The following NEO1 variants were observed in gnomAD, a reference collection of about 807,000 sequenced individuals.
The protein encoded by NEO1 is neogenin 1, also known as neogenin.
NEO1 carries 63 observed loss-of-function variants against 159.7 expected under a neutral mutation model. That is an observed-to-expected ratio of 0.39 (90% CI 0.32 to 0.49). The LOEUF is 0.49. Among genes scored for constraint, NEO1 ranks in the 20% least tolerant of loss-of-function variants. NEO1 has a pLI of 0.85. For synonymous variants in NEO1, 633 were observed against 662.0 expected (o/e 0.96, Z 0.67); for missense variants, 1,615 against 1,831.0 (o/e 0.88, Z 2.15).
At chr15:73,293,352 GC>G in intron 25 of NEO1, 37 bp from the exon 26 acceptor site, 1 of 1,609,716 alleles carries the variant, frequency 6.2e-7, no homozygotes, top group Non-Finnish European at 8.5e-7. Context: ...GTTTGTGCAA[GC>G]ATGTTAAGCA....
At chr15:73,064,715 C>T (rs1289677050) in intron 1 of NEO1, among the ~76,000 whole-genome samples, 1 of 152,146 alleles carries the variant, frequency 6.6e-6, no homozygotes, top group Non-Finnish European at 1.5e-5. Flanking sequence ...AATTCTCCTG[C>T]CTTGGCCCCC....
intron 4 of NEO1, among the ~76,000 whole-genome samples, chr15:73,128,898 T>C (rs6495057): frequency 0.71 from 107,635 of 152,088 alleles, 39,176 homozygotes; most frequent in African/African-American, 0.89. Flanking sequence ...GTGAATATAT[T>C]ATGGTTAATA....
At chr15:73,287,162 GA>G (rs2151116666) in intron 23 of NEO1, among the ~76,000 whole-genome samples, 1 of 152,160 alleles carries the variant, frequency 6.6e-6, no homozygotes, top group South Asian at 2.1e-4. Flanking sequence ...CACCACTCAG[GA>G]TTTCTTAAAA....
At chr15:73,232,015 G>A (rs1413544699) in intron 7 of NEO1, among the ~76,000 whole-genome samples, 1 of 152,152 alleles carries the variant, frequency 6.6e-6, no homozygotes, top group Non-Finnish European at 1.5e-5. Context: ...TCCAGTATCT[G>A]AGGACATTCC....
Position 73,257,027 on chromosome 15 carries a change from G to A in NEO1, c.2093-1739G>A, listed in dbSNP as rs150034135. On this transcript the variant is annotated intron_variant, in intron 13 of 28. Coordinates refer to ENST00000261908, the MANE Select transcript of NEO1 (RefSeq NM_002499.4). Reference sequence around the variant, plus strand: ...CTCACCTGTGGTCCCAGCTACTTGGGAGGCTGAGGTGGGAGGATCATTTGA... The same window carrying A: ...CTCACCTGTGGTCCCAGCTACTTGGAAGGCTGAGGTGGGAGGATCATTTGA... Among the ~76,000 whole-genome samples the A allele has an allele frequency of 5.6e-3, 842 of 150,734 alleles. 7 individuals carry two copies. Among genetic ancestry groups the A allele is most frequent in the African/African-American group, 0.019 (793 of 41,112 alleles).
At chr15:73,296,143 C>T (rs1015686613) in intron 26 of NEO1, among the ~76,000 whole-genome samples, 17 of 152,164 alleles carry the variant, frequency 1.1e-4, no homozygotes, top group African/African-American at 3.9e-4. Flanking sequence ...ATCTCTTTGG[C>T]CCTCAGAAGC....
At chr15:73,107,431 A>G (rs998259714) in intron 1 of NEO1, among the ~76,000 whole-genome samples, 2 of 152,226 alleles carry the variant, frequency 1.3e-5, no homozygotes, top group Non-Finnish European at 1.5e-5. Flanking sequence ...AGAAGGGAGT[A>G]TTAAATGAAG....
chr15:73,161,520 C>T (rs532721510), intron 5 of NEO1, among the ~76,000 whole-genome samples: 1 of 152,296 alleles, frequency 6.6e-6, no homozygotes, highest in Admixed American at 6.5e-5. Flanking sequence ...ATTTCCATGT[C>T]TGACCACTGC....
At chr15:73,076,297 G>A (rs1595918182) in intron 1 of NEO1, among the ~76,000 whole-genome samples, 1 of 152,268 alleles carries the variant, frequency 6.6e-6, no homozygotes, top group African/African-American at 2.4e-5. Flanking sequence ...TGAAGAAAAT[G>A]ACATTTAGTA....
intron 5 of NEO1, among the ~76,000 whole-genome samples, chr15:73,168,382 G>T (rs532549173): frequency 1.3e-4 from 6 of 46,260 alleles, no homozygotes; most frequent in Admixed American, 7.2e-4. Flanking sequence ...CGGGGGGTGG[G>T]GGGGGGGGGT....
intron 8 of NEO1, among the ~76,000 whole-genome samples, chr15:73,240,036 T>A (rs2039414200): frequency 6.6e-6 from 1 of 152,138 alleles, no homozygotes; most frequent in Non-Finnish European, 1.5e-5. Flanking sequence ...ATGAACATCC[T>A]GCCATGCACA....
intron 7 of NEO1, among the ~76,000 whole-genome samples, chr15:73,193,956 T>C (rs1372524043): frequency 6.6e-6 from 1 of 152,018 alleles, no homozygotes; most frequent in Admixed American, 6.6e-5. Context: ...GGAAGAGGTG[T>C]ATATGCAAGA....
At chr15:73,261,154 C>T (rs2040603082) in intron 15 of NEO1, among the ~76,000 whole-genome samples, 1 of 151,918 alleles carries the variant, frequency 6.6e-6, no homozygotes, top group African/African-American at 2.4e-5. Context: ...TTTTTGACAA[C>T]ATAGTAAGAT....
intron 25 of NEO1, 28 bp from the exon 26 acceptor site, chr15:73,293,362 C>A: frequency 1.1e-5 from 18 of 1,612,626 alleles, no homozygotes; most frequent in Non-Finnish European, 1.5e-5. Flanking sequence ...GCATGTTAAG[C>A]ATTTCTCTGT....
chr15:73,132,947 T>C (rs2031315343), intron 4 of NEO1, among the ~76,000 whole-genome samples: 1 of 152,132 alleles, frequency 6.6e-6, no homozygotes, highest in African/African-American at 2.4e-5. Flanking sequence ...TGTAAGCTAG[T>C]ACAACCACTA....
chr15:73,071,889 G>GT (rs1205933764), intron 1 of NEO1, among the ~76,000 whole-genome samples: 9 of 152,030 alleles, frequency 5.9e-5, no homozygotes, highest in African/African-American at 1.9e-4. Context: ...TCTTTTAGTT[G>GT]TTTTTCCATA....
chr15:73,145,043 A>C (rs1261310858), intron 5 of NEO1, among the ~76,000 whole-genome samples: 1 of 152,148 alleles, frequency 6.6e-6, no homozygotes, highest in African/African-American at 2.4e-5. Flanking sequence ...AGAGTGGCAA[A>C]AGTGATTAAA....
Position 73,288,299 on chromosome 15 carries a change from A to G in NEO1, c.3411-14A>G, listed in dbSNP as rs1477609888. 3 of 1,606,294 alleles carry G rather than the reference A, an allele frequency of 1.9e-6. No individual in the cohort carries two copies. The highest frequency in any genetic ancestry group is 2.6e-6 in the Non-Finnish European group (3 of 1,173,386). On this transcript the variant is annotated splice_polypyrimidine_tract_variant and intron_variant, in intron 23 of 28. Transcript: ENST00000261908. ...GAGTTACTTTTTAAAAGCTCCTCTG[A>G]ACTTCGTGCCTAGGAAACGAGCTGC... is the stretch of plus-strand genomic sequence containing the variant.
intron 7 of NEO1, among the ~76,000 whole-genome samples, chr15:73,214,770 T>A (rs2037781686): frequency 6.6e-6 from 1 of 152,152 alleles, no homozygotes; most frequent in Non-Finnish European, 1.5e-5. Context: ...TTTTGTTTGT[T>A]TGTTTCATAT....
Sources: allele counts gnomAD v4.1 joint callset (sites outside exome capture counted in the v4.1 genomes callset), GRCh38; gene constraint gnomAD v4.1.1; transcripts MANE v1.5; gene names NCBI Gene and HGNC (gene_info 2026-07-23, HGNC 2026-07-21).